CEP44: variants seen among roughly 807,000 people sequenced by gnomAD.
CEP44 encodes centrosomal protein of 44 kDa.
Under a neutral mutation model 46.7 loss-of-function variants are expected in CEP44, and 45 were observed. The ratio of observed to expected loss-of-function variants is 0.96; its 90% CI spans 0.76 to 1.24. The LOEUF is 1.24. CEP44 is among the 50% of genes most tolerant of loss of function. The pLI, the probability that CEP44 is intolerant of heterozygous loss-of-function variation, is 0.00. For missense variants in CEP44, 475 were observed against 459.7 expected (o/e 1.03, Z -0.30); for synonymous variants, 142 against 146.0 (o/e 0.97, Z 0.20).
chr4:174,301,288 C>T lies in CEP44; in HGVS notation c.90-751C>T, dbSNP rs924161918. Among the ~76,000 whole-genome samples, 2 of 152,092 alleles carry T rather than the reference C, an allele frequency of 1.3e-5. No homozygotes were observed. Among genetic ancestry groups the T allele is most frequent in the Non-Finnish European group, 2.9e-5 (2 of 67,988 alleles). The stretch of plus-strand genomic sequence containing the variant: ...TGTGGGAAAATCAGTGAAGGTACTT[C>T]ACATTGAGAAAATAAGACAGGAAAC... On this transcript the variant is annotated intron_variant, in intron 3 of 11. Transcript: ENST00000503780. The surrounding 1 kb of genome is among the most constrained non-coding windows in gnomAD (Gnocchi z 4.3).
rs189234011 is a variant in CEP44 at position 174,295,791 on chromosome 4, A to G, written c.-147-2175A>G. ...CCTCTTTAGTGAGATATCTGTTAAC[A>G]TCTTTTGCCTATTTTTTAATTGTAT... On this transcript the variant is annotated intron_variant, in intron 1 of 11. Coordinates refer to ENST00000503780, the MANE Select transcript of CEP44 (RefSeq NM_001040157.3). 7.9e-5 allele frequency among the ~76,000 whole-genome samples: 12 copies of G among 152,276 alleles called. No homozygotes were observed. The East Asian group carries it at 2.3e-3, about 29-fold the overall frequency.
intron 1 of CEP44, 87 bp downstream of exon 1, chr4:174,284,030 CTGGT>C (rs1737252068): frequency 2.5e-6 from 1 of 399,366 alleles, no homozygotes; most frequent in Non-Finnish European, 4.4e-6. Flanking sequence ...GCTGTAGCGA[CTGGT>C]TGCGGGAGGC....
rs192453840 is a variant in CEP44 at position 174,329,591 on chromosome 4, T to C, written c.1087-1891T>C. 3.5e-4 allele frequency among the ~76,000 whole-genome samples: 53 copies of C among 152,270 alleles called. No individual in the cohort carries two copies. Among genetic ancestry groups the C allele is most frequent in the Admixed American group, 2.7e-3 (42 of 15,294 alleles). On this transcript the variant is annotated intron_variant, in intron 8 of 8. Coordinates refer to the CEP44 transcript ENST00000426172. This position sits in a 1 kb window ranked among gnomAD's most constrained non-coding sequence, Gnocchi z 4.0. Reference sequence around the variant, plus strand: ...TTCTCACACTTTATAGCTTGAAGAATGTACTTTACTCATGGGAACTAAAAA... The same window carrying C: ...TTCTCACACTTTATAGCTTGAAGAACGTACTTTACTCATGGGAACTAAAAA...
At chr4:174,322,191 A>T (rs1742364887), downstream of CEP44, among the ~76,000 whole-genome samples, 1 of 152,156 alleles carries the variant, frequency 6.6e-6, no homozygotes, top group Non-Finnish European at 1.5e-5. Flanking sequence ...GTTTAAAAGC[A>T]TTTCAGTATT....
chr4:174,293,878 G>A (rs1738518955), intron 1 of CEP44, among the ~76,000 whole-genome samples: 1 of 152,098 alleles, frequency 6.6e-6, no homozygotes, highest in South Asian at 2.1e-4. Flanking sequence ...CCAGTCTTTG[G>A]GGGAAGTATA....
intron 8 of CEP44, among the ~76,000 whole-genome samples, chr4:174,327,252 G>A (rs1490432761): frequency 1.3e-5 from 2 of 150,874 alleles, no homozygotes; most frequent in Non-Finnish European, 3.0e-5. Context: ...AATAAAATAT[G>A]TGCATGAACT....
downstream of CEP44, among the ~76,000 whole-genome samples, chr4:174,320,634 A>G: frequency 7.0e-6 from 1 of 143,816 alleles, no homozygotes; most frequent in African/African-American, 2.5e-5. Flanking sequence ...AAGGCTTGAA[A>G]GGAAGAGCAT....
intron 1 of CEP44, among the ~76,000 whole-genome samples, chr4:174,285,282 A>C (rs1737454803): frequency 6.6e-6 from 1 of 152,202 alleles, no homozygotes; most frequent in African/African-American, 2.4e-5. Context: ...GGCTTCTTTT[A>C]ATGTCTTGTT....
Position 174,319,878 on chromosome 4 carries a change from T to C in CEP44, c.*2495T>C. Reference sequence around the variant, plus strand: ...TGTTATTTTAAAAAGTTTTCTTGTTTAGGCAATTTGGTAAGTGGTTTCTAG... The same window carrying C: ...TGTTATTTTAAAAAGTTTTCTTGTTCAGGCAATTTGGTAAGTGGTTTCTAG... On this transcript the variant is annotated 3_prime_UTR_variant, in exon 12 of 12. Coordinates refer to ENST00000503780, the MANE Select transcript of CEP44 (RefSeq NM_001040157.3). The C allele has an allele frequency of 1.0e-6, 1 of 985,342 alleles. No homozygotes were observed. The highest frequency in any genetic ancestry group is 1.2e-6 in the Non-Finnish European group (1 of 829,834). 61.0% of individuals were successfully genotyped at this position (985,342 alleles called of 1,614,324 possible).
Position 174,317,429 on chromosome 4 carries a change from A to T in CEP44, c.*46A>T. 1 of 1,337,586 alleles carries T rather than the reference A, an allele frequency of 7.5e-7. No homozygotes were observed. The allele number at this position is 1,337,586 out of a possible 1,614,324, so 82.9% of individuals were successfully genotyped here. ...TTCTAGGACTTTGGTTACTATACAT[A>T]TTGTATATTTTAAGAATTCTTTATA... On this transcript the variant is annotated 3_prime_UTR_variant, in exon 12 of 12. Coordinates refer to ENST00000503780, the MANE Select transcript of CEP44 (RefSeq NM_001040157.3).
chr4:174,302,113 C>T lies in CEP44; in HGVS notation c.164C>T (p.Thr55Ile). The change falls in exon 4 of 12, where the codon ACA becomes ATA. Residue 55 changes from threonine (T) to isoleucine (I), a missense_variant. By Grantham distance (89) the Thr-to-Ile change is moderately conservative. Transcript: ENST00000503780. The part of the protein sequence containing the change: ...YSFTSYSPYV[T>I]ELIMESNVEL... ...TTTACCTCATACTCACCTTATGTAA[C>T]AGAACTTATAATGGAATCCAATGTA... 6.2e-7 allele frequency: 1 copy of T among 1,612,050 alleles called. No individual in the cohort carries two copies. The highest frequency in any genetic ancestry group is 8.5e-7 in the Non-Finnish European group (1 of 1,179,036).
In CEP44 at chr4:174,303,961, T is replaced by A. The variant is rs1309265332; in HGVS notation, c.384+112T>A. The A allele has an allele frequency of 2.3e-5, 18 of 770,526 alleles. No homozygotes were observed. In the East Asian group the frequency reaches 5.1e-4, roughly 22 times the overall value. The allele number at this position is 770,526 out of a possible 1,614,324, so 47.7% of individuals were successfully genotyped here. On this transcript the variant is annotated intron_variant, in intron 5 of 11. Coordinates refer to ENST00000503780, the MANE Select transcript of CEP44 (RefSeq NM_001040157.3). ...GCAAATTATTTCATAGTGTAATTAC[T>A]GTATTATTCAAAGATTTGAGTAACC...
intron 1 of CEP44, among the ~76,000 whole-genome samples, chr4:174,293,998 G>A (rs1738534321): frequency 6.6e-6 from 1 of 150,964 alleles, no homozygotes; most frequent in Middle Eastern, 3.2e-3. Flanking sequence ...AATCTCTAAT[G>A]ATAAATGATT....
upstream of CEP44, chr4:174,283,781 A>G (rs1466816728): frequency 2.5e-6 from 1 of 397,234 alleles, no homozygotes; most frequent in Non-Finnish European, 4.4e-6. This position sits in a 1 kb window ranked among gnomAD's most constrained non-coding sequence, Gnocchi z 6.7. Context: ...CACTCTGACC[A>G]TCAAGATCAG....
At chr4:174,303,909 T>C (rs1221783127) in intron 5 of CEP44, 60 bp downstream of exon 5, 1 of 1,176,358 alleles carries the variant, frequency 8.5e-7, no homozygotes, top group Non-Finnish European at 1.2e-6. Flanking sequence ...CTCAGTATTT[T>C]AATGTATAAA....
At position 174,308,678 on chromosome 4, in the gene CEP44, T is replaced by G; in HGVS notation, c.508-11T>G. On this transcript the variant is annotated splice_polypyrimidine_tract_variant and intron_variant, in intron 6 of 11. Coordinates refer to ENST00000503780, the MANE Select transcript of CEP44 (RefSeq NM_001040157.3). ...CATTGAAGTGTTTCTTACATATTTTTCTCTATGCAGAAGAAAGCTGTGGTG... is the reference window on the plus strand; with the variant it reads ...CATTGAAGTGTTTCTTACATATTTTGCTCTATGCAGAAGAAAGCTGTGGTG... 1 of 1,578,842 alleles carries G rather than the reference T, an allele frequency of 6.3e-7. No individual in the cohort carries two copies. Among genetic ancestry groups the G allele is most frequent in the Non-Finnish European group, 8.6e-7 (1 of 1,162,050 alleles).
In CEP44 at chr4:174,303,716, A is replaced by T; in HGVS notation, c.251A>T (p.Gln84Leu). Residue 84 changes from glutamine (Q) to leucine (L), a missense_variant, in exon 5 of 12, where the codon CAA becomes CTA. By Grantham distance (113) the Gln-to-Leu change is moderately radical (BLOSUM62 -2). Transcript: ENST00000503780. ...TTTCCTCTGCAGCTTCTTCGTGATC[A>T]ATTTAATTATAAACCAATTTTGACA... is the stretch of plus-strand genomic sequence containing the variant. The part of the protein sequence containing the change: ...IDAVYKLLRD[Q>L]FNYKPILTKK... 1 of 1,526,056 alleles carries T rather than the reference A, an allele frequency of 6.6e-7. No homozygotes were observed. Among genetic ancestry groups the T allele is most frequent in the South Asian group, 1.3e-5 (1 of 79,184 alleles). 94.5% of individuals were successfully genotyped at this position (1,526,056 alleles called of 1,614,324 possible). A position where few individuals can be genotyped will look rare whatever the true frequency, so the allele number is the denominator to read the frequency against.
chr4:174,320,954 G>A (rs1458654169), downstream of CEP44, among the ~76,000 whole-genome samples: 1 of 151,910 alleles, frequency 6.6e-6, no homozygotes, highest in Non-Finnish European at 1.5e-5. Flanking sequence ...GGAGATGGAG[G>A]GAAATAATGG....
rs1041063600 is a variant in CEP44 at position 174,317,951 on chromosome 4, T to C, written c.*568T>C. On this transcript the variant is annotated 3_prime_UTR_variant, in exon 12 of 12. Transcript: ENST00000503780. ...AGAAATTAAGGTTAAGATTCTCCTT[T>C]TGTACTGGGAAACAGGCTGGAGGAC... 3.0e-6 allele frequency: 3 copies of C among 985,278 alleles called. No homozygotes were observed. The highest frequency in any genetic ancestry group is 3.5e-5 in the African/African-American group (2 of 57,230). The allele number at this position is 985,278 out of a possible 1,614,324, so 61.0% of individuals were successfully genotyped here. A position where few individuals can be genotyped will look rare whatever the true frequency, so the allele number is the denominator to read the frequency against.
Sources: gnomAD v4.1 joint callset for allele counts (sites outside exome capture counted in the v4.1 genomes callset) on GRCh38, gnomAD v4.1.1 for gene constraint, Gnocchi (gnomAD v3.1) non-coding constraint, MANE v1.5 for transcripts, NCBI Gene and HGNC (gene_info 2026-07-23, HGNC 2026-07-21) for gene names.